WWOX: variants seen among roughly 807,000 people sequenced by gnomAD.
The protein encoded by WWOX is WW domain-containing oxidoreductase.
A neutral mutation model predicts 46.2 loss-of-function variants in WWOX; 69 were observed. The observed-to-expected ratio is 1.49, with a 90% CI of 1.23 to 1.82. The LOEUF is 1.82. WWOX is among the 40% of genes most tolerant of loss of function. The probability of loss-of-function intolerance (pLI) is 0.00; values close to 1 mark genes in which losing one functional copy is unlikely to be tolerated. For synonymous variants in WWOX, 359 were observed against 202.6 expected (o/e 1.77, Z -6.56); for missense variants, 919 against 542.6 (o/e 1.69, Z -6.89).
chr16:78,859,306 C>G (rs1022236165), intron 8 of WWOX, among the ~76,000 whole-genome samples: 1 of 151,712 alleles, frequency 6.6e-6, no homozygotes, highest in African/African-American at 2.4e-5. Context: ...TTTTTCCCCC[C>G]TGCTGAATTC....
chr16:78,664,589 A>G (rs2047287718), intron 8 of WWOX, among the ~76,000 whole-genome samples: 1 of 152,180 alleles, frequency 6.6e-6, no homozygotes. Context: ...GGCAGTGTCA[A>G]AACTCTGTGT....
At chr16:79,018,167 A>G (rs2047455311) in intron 8 of WWOX, among the ~76,000 whole-genome samples, 3 of 152,136 alleles carry the variant, frequency 2.0e-5, no homozygotes, top group Non-Finnish European at 2.9e-5. Context: ...ACGGTACTGA[A>G]ATTTGATTTT....
intron 8 of WWOX, among the ~76,000 whole-genome samples, chr16:78,567,338 G>A (rs1316770386): frequency 1.3e-5 from 2 of 151,432 alleles, no homozygotes; most frequent in Admixed American, 6.6e-5. Flanking sequence ...GAGGTCAGGA[G>A]ATCGAGACCA....
chr16:78,779,298 C>G (rs2050268070), intron 8 of WWOX, among the ~76,000 whole-genome samples: 2 of 152,136 alleles, frequency 1.3e-5, no homozygotes, highest in Non-Finnish European at 2.9e-5. Context: ...GTGCATGCCA[C>G]CACACCTGGC....
intron 8 of WWOX, among the ~76,000 whole-genome samples, chr16:79,036,597 G>A (rs75681506): frequency 0.013 from 2,050 of 152,250 alleles, 21 homozygotes; most frequent in South Asian, 0.031. Context: ...TGAATGATCT[G>A]TCCTTCTATG....
chr16:78,536,948 A>G (rs1398982994), intron 8 of WWOX, among the ~76,000 whole-genome samples: 2 of 131,148 alleles, frequency 1.5e-5, no homozygotes, highest in Non-Finnish European at 3.1e-5. Flanking sequence ...AGAGAGTCTC[A>G]CTCTGTCACC....
At chr16:79,050,826 C>G (rs778122183) in intron 8 of WWOX, among the ~76,000 whole-genome samples, 2 of 152,162 alleles carry the variant, frequency 1.3e-5, no homozygotes, top group African/African-American at 4.8e-5. Context: ...CTTTAGGAAA[C>G]GAGATGAATT....
At chr16:78,671,413 A>G (rs1193913935) in intron 8 of WWOX, among the ~76,000 whole-genome samples, 2 of 152,214 alleles carry the variant, frequency 1.3e-5, no homozygotes, top group Non-Finnish European at 2.9e-5. Flanking sequence ...TGATAGCATG[A>G]GACTGTGTCT....
At chr16:78,545,101 A>C (rs2043996641) in intron 8 of WWOX, among the ~76,000 whole-genome samples, 1 of 152,218 alleles carries the variant, frequency 6.6e-6, no homozygotes, top group Admixed American at 6.5e-5. Context: ...CATTTTAGTG[A>C]TTCTCTAAGT....
intron 8 of WWOX, among the ~76,000 whole-genome samples, chr16:78,804,769 T>C (rs542642157): frequency 4.6e-5 from 7 of 152,360 alleles, no homozygotes; most frequent in Admixed American, 3.3e-4. Flanking sequence ...ACCTTGATAG[T>C]TCAGGTGTGC....
At chr16:78,810,483 ACCC>A (rs1192149755) in intron 8 of WWOX, among the ~76,000 whole-genome samples, 1 of 152,162 alleles carries the variant, frequency 6.6e-6, no homozygotes, top group East Asian at 1.9e-4. Flanking sequence ...TATTATGGGA[ACCC>A]CCTGTATCAC....
chr16:78,753,314 G>A (rs941328565), intron 8 of WWOX, among the ~76,000 whole-genome samples: 2 of 150,666 alleles, frequency 1.3e-5, no homozygotes, highest in Non-Finnish European at 2.9e-5. Context: ...GTGAGACTCC[G>A]TCTCAAAAAA....
rs114699903 is a variant in WWOX, at chr16:79,148,321, C to T, written c.1057-63287C>T. ...CATCTCATTGTTTTAGCACCATTTG[C>T]TGAAAATGATCTTCCTCCAGAGAAT... On this transcript the variant is annotated intron_variant, in intron 8 of 8. Transcript: ENST00000566780. 1.4e-3 allele frequency among the ~76,000 whole-genome samples: 216 copies of T among 152,226 alleles called. 1 individual carries two copies. The highest frequency in any genetic ancestry group is 4.7e-3 in the African/African-American group (195 of 41,540).
chr16:78,920,132 T>C (rs2045345721), intron 8 of WWOX, among the ~76,000 whole-genome samples: 1 of 152,160 alleles, frequency 6.6e-6, no homozygotes, highest in Non-Finnish European at 1.5e-5. Flanking sequence ...CGTCAAGAGC[T>C]GGCTCTGCTT....
chr16:79,200,338 A>G (rs2051322380), intron 8 of WWOX, among the ~76,000 whole-genome samples: 1 of 152,136 alleles, frequency 6.6e-6, no homozygotes, highest in Non-Finnish European at 1.5e-5. Flanking sequence ...CTGAGGCCAG[A>G]TTTTCAAGTG....
At chr16:78,454,550 G>C (rs1356233530) in intron 8 of WWOX, among the ~76,000 whole-genome samples, 2 of 152,144 alleles carry the variant, frequency 1.3e-5, no homozygotes, top group Non-Finnish European at 2.9e-5. Flanking sequence ...TTGTTGCCCA[G>C]GCTGCAGTGC....
chr16:78,178,042 T>A (rs2035406071), intron 5 of WWOX, among the ~76,000 whole-genome samples: 1 of 152,210 alleles, frequency 6.6e-6, no homozygotes, highest in Non-Finnish European at 1.5e-5. Flanking sequence ...AGACATGTGT[T>A]TACTTATCTG....
intron 8 of WWOX, among the ~76,000 whole-genome samples, chr16:79,118,036 C>G (rs1186880536): frequency 3.3e-5 from 5 of 152,354 alleles, no homozygotes; most frequent in African/African-American, 1.2e-4. Context: ...TCTTTGCATT[C>G]ACAACTTGCC....
chr16:79,011,135 C>CCACACACA (rs10611855), intron 8 of WWOX, among the ~76,000 whole-genome samples: 33 of 146,316 alleles, frequency 2.3e-4, no homozygotes, highest in East Asian at 4.0e-4. Context: ...ACTCACACAT[C>CCACACACA]CACACACACA....
Sources: allele counts gnomAD v4.1 joint callset (sites outside exome capture counted in the v4.1 genomes callset), GRCh38; gene constraint gnomAD v4.1.1; transcripts MANE v1.5; gene names NCBI Gene and HGNC (gene_info 2026-07-23, HGNC 2026-07-21).